Variants in GNAO1 observed in about 807,000 individuals in gnomAD.
GNAO1 encodes the protein guanine nucleotide-binding protein G(o) subunit alpha.
For missense variants in GNAO1, 166 were observed against 478.7 expected (o/e 0.35, Z 6.10); for synonymous variants, 164 against 180.7 (o/e 0.91, Z 0.74).
intron 2 of GNAO1, among the ~76,000 whole-genome samples, chr16:56,250,764 C>G (rs2036792020): frequency 6.6e-6 from 1 of 152,202 alleles, no homozygotes; most frequent in African/African-American, 2.4e-5. Context: ...TGGATTCACC[C>G]CTCAGCCTCA....
At chr16:56,213,142 A>C (rs2036406298) in intron 2 of GNAO1, 2 of 389,436 alleles carry the variant, frequency 5.1e-6, no homozygotes, top group Non-Finnish European at 9.1e-6. Context: ...CTTCCAGGGA[A>C]GAGGGAATGT....
chr16:56,348,381 G>A (rs76369118), intron 6 of GNAO1, among the ~76,000 whole-genome samples: 1,777 of 152,310 alleles, frequency 0.012, 35 homozygotes, highest in African/African-American at 0.037. Flanking sequence ...TGTCAGGATC[G>A]CCATCTGGTG....
At chr16:56,196,713 A>G (rs185317041) in intron 2 of GNAO1, among the ~76,000 whole-genome samples, 82 of 152,356 alleles carry the variant, frequency 5.4e-4, no homozygotes, top group Non-Finnish European at 5.1e-4. Flanking sequence ...GAAGGTGGCC[A>G]TGAGGCATTG....
At chr16:56,224,728 A>G (rs2036519766) in intron 2 of GNAO1, among the ~76,000 whole-genome samples, 1 of 152,166 alleles carries the variant, frequency 6.6e-6, no homozygotes, top group African/African-American at 2.4e-5. Context: ...TGATCCACCA[A>G]AGTGTTGGGA....
chr16:56,327,248 G>T (rs571678009), intron 3 of GNAO1, among the ~76,000 whole-genome samples: 1 of 152,230 alleles, frequency 6.6e-6, no homozygotes, highest in East Asian at 1.9e-4. Context: ...TATTCATGGC[G>T]ATGGCAGGGC....
rs1216743706 is a variant in GNAO1 at position 56,197,689 on chromosome 16, G to A, written c.161+5073G>A. Among the ~76,000 whole-genome samples, 3 of 152,188 alleles carry A rather than the reference G, an allele frequency of 2.0e-5. No homozygotes were observed. In the East Asian group the frequency reaches 5.8e-4, roughly 29 times the overall value. On this transcript the variant is annotated intron_variant, in intron 2 of 8. Coordinates refer to ENST00000262493, the MANE Select transcript of GNAO1 (RefSeq NM_020988.3). ...GTCTGTTCTATGTGTGAACAGGGCT[G>A]GATTAGATTTACGATGCTCAGAGTG...
At chr16:56,341,034 G>T in intron 6 of GNAO1, 1 of 1,531,346 alleles carries the variant, frequency 6.5e-7, no homozygotes, top group Non-Finnish European at 9.0e-7. Context: ...AGCGGGCCCC[G>T]TTCCCAAAGC....
In GNAO1 at chr16:56,326,386, GC is replaced by G. The variant is rs2037632461; in HGVS notation, c.304-2243del. ...AGCAAGAAGACAGGGTATGTCTGGTGCCTGGGCTGAGACAGGGGCTTGCTGT... is the reference window on the plus strand; with the variant it reads ...AGCAAGAAGACAGGGTATGTCTGGTGCTGGGCTGAGACAGGGGCTTGCTGT... On this transcript the variant is annotated intron_variant, in intron 3 of 8. Coordinates refer to ENST00000262493, the MANE Select transcript of GNAO1 (RefSeq NM_020988.3). The surrounding 1 kb of genome is among the most constrained non-coding windows in gnomAD (Gnocchi z 4.8). 6.6e-6 allele frequency among the ~76,000 whole-genome samples: 1 copy of G among 152,188 alleles called. No homozygotes were observed. The highest frequency in any genetic ancestry group is 2.1e-4 in the South Asian group (1 of 4,832).
intron 2 of GNAO1, among the ~76,000 whole-genome samples, chr16:56,243,302 T>C (rs544942752): frequency 2.0e-5 from 3 of 152,256 alleles, no homozygotes; most frequent in African/African-American, 7.2e-5. Context: ...CATGGAAAAT[T>C]GTCTCCCATG....
rs926725444 is a variant in GNAO1 at position 56,285,057 on chromosome 16, G to A, written c.303+8985G>A. Among the ~76,000 whole-genome samples the A allele has an allele frequency of 2.0e-4, 30 of 152,200 alleles. 1 individual carries two copies. Among genetic ancestry groups the A allele is most frequent in the Admixed American group, 6.5e-5 (1 of 15,286 alleles). On this transcript the variant is annotated intron_variant, in intron 3 of 8. Coordinates refer to ENST00000262493, the MANE Select transcript of GNAO1 (RefSeq NM_020988.3). ...TCTGGCCTGGCCTGCCTTCTCTTCC[G>A]TGGCGTGCAGAGTTGAGTGGATGCT...
intron 3 of GNAO1, among the ~76,000 whole-genome samples, chr16:56,286,262 G>A (rs186500046): frequency 1.7e-4 from 26 of 152,216 alleles, no homozygotes; most frequent in African/African-American, 5.3e-4. Context: ...TTTCTTTGCC[G>A]GGCAACCAAC....
intron 2 of GNAO1, among the ~76,000 whole-genome samples, chr16:56,268,189 C>G (rs1341218199): frequency 3.9e-5 from 6 of 152,212 alleles, no homozygotes. Context: ...GGGCTCTAAG[C>G]AGAACCATTT....
chr16:56,192,469 A>G (rs2036185785), intron 1 of GNAO1, 105 bp from the exon 2 acceptor site: 1 of 630,372 alleles, frequency 1.6e-6, no homozygotes, highest in Non-Finnish European at 2.7e-6. Flanking sequence ...TGGCACCACC[A>G]TGTGCCCAGG....
intron 3 of GNAO1, among the ~76,000 whole-genome samples, chr16:56,280,738 T>C (rs531117780): frequency 9.8e-4 from 149 of 152,178 alleles, no homozygotes; most frequent in African/African-American, 3.6e-3. Context: ...GGTGATTAAT[T>C]GGCTGTTGGA....
At chr16:56,219,676 T>C (rs187175173) in intron 2 of GNAO1, among the ~76,000 whole-genome samples, 1 of 152,306 alleles carries the variant, frequency 6.6e-6, no homozygotes, top group African/African-American at 2.4e-5. Context: ...AACCCACATC[T>C]TTTGACCCTT....
At chr16:56,350,566 C>T (rs2037910983) in intron 6 of GNAO1, among the ~76,000 whole-genome samples, 1 of 152,204 alleles carries the variant, frequency 6.6e-6, no homozygotes, top group Non-Finnish European at 1.5e-5. Context: ...TAAACAGGCT[C>T]CTGTGTGCAG....
intron 2 of GNAO1, among the ~76,000 whole-genome samples, chr16:56,263,403 T>A (rs1418963726): frequency 2.0e-5 from 3 of 152,186 alleles, no homozygotes; most frequent in Admixed American, 6.5e-5. Context: ...GTGAACTCAG[T>A]CCTCATGGAG....
In GNAO1 at chr16:56,328,921, A is replaced by G. The variant is rs1049315932; in HGVS notation, c.464+130A>G. 5 of 861,274 alleles carry G rather than the reference A, an allele frequency of 5.8e-6. 1 individual carries two copies. The highest frequency in any genetic ancestry group is 3.3e-5 in the African/African-American group (2 of 60,428). 53.4% of individuals were successfully genotyped at this position (861,274 alleles called of 1,614,324 possible). ...CACGCCTGCCGGGAGATGTTCTCCC[A>G]TAGGTAGAGGGTGTCAGGAAGGAAT... On this transcript the variant is annotated intron_variant, in intron 4 of 8. Transcript: ENST00000262493.
chr16:56,315,253 C>T (rs888893620), intron 3 of GNAO1, among the ~76,000 whole-genome samples: 1 of 152,240 alleles, frequency 6.6e-6, no homozygotes, highest in African/African-American at 2.4e-5. Context: ...TATTCACCAT[C>T]GTCACTTCGT....
Sources: gnomAD v4.1 joint callset for allele counts (sites outside exome capture counted in the v4.1 genomes callset) on GRCh38, gnomAD v4.1.1 for gene constraint, Gnocchi (gnomAD v3.1) non-coding constraint, MANE v1.5 for transcripts, NCBI Gene and HGNC (gene_info 2026-07-23, HGNC 2026-07-21) for gene names.